Variants in GRID2 observed in about 807,000 individuals in gnomAD.
GRID2 encodes glutamate receptor ionotropic, delta-2.
A neutral mutation model predicts 114.8 loss-of-function variants in GRID2; 33 were observed. That is an observed-to-expected ratio of 0.29 (90% CI 0.22 to 0.38). The LOEUF (loss-of-function observed/expected upper bound fraction) is 0.38. Among genes scored for constraint, GRID2 ranks in the 10% least tolerant of loss-of-function variants. The pLI is 1.00. For synonymous variants in GRID2, 505 were observed against 449.9 expected (o/e 1.12, Z -1.55); for missense variants, 1,184 against 1,257.7 (o/e 0.94, Z 0.89).
intron 1 of GRID2, among the ~76,000 whole-genome samples, chr4:92,349,632 C>A (rs139431260): frequency 6.6e-6 from 1 of 150,766 alleles, no homozygotes; most frequent in Admixed American, 6.6e-5. Flanking sequence ...TACATTTTAG[C>A]GCATTATTTT....
At chr4:93,067,083 T>G (rs748941037) in intron 2 of GRID2, among the ~76,000 whole-genome samples, 1 of 151,952 alleles carries the variant, frequency 6.6e-6, no homozygotes, top group African/African-American at 2.4e-5. Context: ...CATGGTTGAC[T>G]CCAGGTAACT....
intron 1 of GRID2, among the ~76,000 whole-genome samples, chr4:92,384,320 G>A (rs1729764212): frequency 6.9e-6 from 1 of 145,186 alleles, no homozygotes; most frequent in South Asian, 2.1e-4. Context: ...TTTATGTGGG[G>A]CTTTATGTGG....
intron 2 of GRID2, among the ~76,000 whole-genome samples, chr4:92,932,670 C>G (rs1750336927): frequency 6.6e-6 from 1 of 150,912 alleles, no homozygotes; most frequent in Non-Finnish European, 1.5e-5. Context: ...TCAAGTGGCC[C>G]AAAATAGAAT....
At chr4:93,730,172 C>T (rs143874521) in intron 14 of GRID2, among the ~76,000 whole-genome samples, 181 of 152,220 alleles carry the variant, frequency 1.2e-3, no homozygotes, top group East Asian at 0.01. Context: ...ATTGAAGAGT[C>T]ATCAGGTTAC....
chr4:92,833,240 C>G (rs1373083501), intron 2 of GRID2, among the ~76,000 whole-genome samples: 2 of 152,150 alleles, frequency 1.3e-5, no homozygotes, highest in African/African-American at 4.8e-5. Flanking sequence ...ATAAAATCAT[C>G]TGACATGGAC....
At chr4:93,181,472 C>T (rs1334189366) in intron 4 of GRID2, among the ~76,000 whole-genome samples, 1 of 152,170 alleles carries the variant, frequency 6.6e-6, no homozygotes, top group Non-Finnish European at 1.5e-5. Context: ...TTAACCCTAA[C>T]AGGATGGTCA....
At chr4:92,599,375 G>C (rs998657804) in intron 2 of GRID2, among the ~76,000 whole-genome samples, 1 of 152,120 alleles carries the variant, frequency 6.6e-6, no homozygotes. Flanking sequence ...GTTGAATATA[G>C]AAATTAATTC....
At chr4:93,249,623 T>G (rs1169215853) in intron 8 of GRID2, among the ~76,000 whole-genome samples, 3 of 151,508 alleles carry the variant, frequency 2.0e-5, no homozygotes, top group African/African-American at 7.3e-5. Flanking sequence ...ATATCCAGAG[T>G]CAAAAAGGAA....
At chr4:92,895,633 T>A (rs1747110993) in intron 2 of GRID2, among the ~76,000 whole-genome samples, 1 of 151,702 alleles carries the variant, frequency 6.6e-6, no homozygotes, top group African/African-American at 2.4e-5. Context: ...TAAAATAGAG[T>A]GTAGTTTATA....
intron 2 of GRID2, among the ~76,000 whole-genome samples, chr4:93,030,307 T>C (rs1412040957): frequency 6.6e-6 from 1 of 152,092 alleles, no homozygotes; most frequent in Non-Finnish European, 1.5e-5. Context: ...CTTTTCTACC[T>C]ACCAAATTTT....
intron 8 of GRID2, among the ~76,000 whole-genome samples, chr4:93,276,652 T>A (rs994353460): frequency 6.6e-6 from 1 of 152,014 alleles, no homozygotes; most frequent in Admixed American, 6.6e-5. Flanking sequence ...TTAAATATAT[T>A]TCTATTTTGT....
At chr4:92,631,273 G>A (rs1256338922) in intron 2 of GRID2, among the ~76,000 whole-genome samples, 7 of 152,014 alleles carry the variant, frequency 4.6e-5, no homozygotes, top group Non-Finnish European at 8.8e-5. Flanking sequence ...TGAGATGATG[G>A]ATAGATAAGC....
chr4:92,577,799 A>G (rs1157528988), intron 1 of GRID2, among the ~76,000 whole-genome samples: 1 of 152,142 alleles, frequency 6.6e-6, no homozygotes, highest in Non-Finnish European at 1.5e-5. Flanking sequence ...GTGGAGAACA[A>G]TTAGCATTGT....
intron 1 of GRID2, among the ~76,000 whole-genome samples, chr4:92,455,472 G>C: frequency 6.6e-6 from 1 of 152,170 alleles, no homozygotes; most frequent in Non-Finnish European, 1.5e-5. Flanking sequence ...GATATAACGT[G>C]AACCTAGTGT....
intron 1 of GRID2, among the ~76,000 whole-genome samples, chr4:92,323,053 AC>A (rs1214262657): frequency 6.6e-6 from 1 of 152,076 alleles, no homozygotes; most frequent in African/African-American, 2.4e-5. Context: ...ATGAATTCAT[AC>A]CCAACCTCAA....
chr4:92,446,775 T>A (rs1733493434), intron 1 of GRID2, among the ~76,000 whole-genome samples: 1 of 152,238 alleles, frequency 6.6e-6, no homozygotes, highest in South Asian at 2.1e-4. Flanking sequence ...TTGCATAGAT[T>A]GGTGGACCAC....
At position 92,467,675 on chromosome 4, in the gene GRID2, T is replaced by C. The variant is rs182871209; in HGVS notation, c.89-122456T>C. Among the ~76,000 whole-genome samples the C allele has an allele frequency of 2.9e-3, 434 of 152,140 alleles. 1 individual carries two copies. Among genetic ancestry groups the C allele is most frequent in the African/African-American group, 6.5e-3 (269 of 41,558 alleles). Reference sequence around the variant, plus strand: ...ACCAAGTATGGAAAAGCATCTCTTCTCTTAATTTTCTTCCTCCAAATTAAG... The same window carrying C: ...ACCAAGTATGGAAAAGCATCTCTTCCCTTAATTTTCTTCCTCCAAATTAAG... On this transcript the variant is annotated intron_variant, in intron 1 of 15. Transcript: ENST00000282020.
At position 92,334,962 on chromosome 4, in the gene GRID2, C is replaced by T. The variant is rs141203156; in HGVS notation, c.88+30218C>T. Among the ~76,000 whole-genome samples the T allele has an allele frequency of 5.4e-3, 818 of 152,228 alleles. 3 individuals carry two copies. Among genetic ancestry groups the T allele is most frequent in the South Asian group, 0.021 (100 of 4,822 alleles). On this transcript the variant is annotated intron_variant, in intron 1 of 15. Coordinates refer to ENST00000282020, the MANE Select transcript of GRID2 (RefSeq NM_001510.4). ...CCCTCCCTCTAGAGTTTTCATTATA[C>T]GAGCCAATAATTTTCTGTTCAAAGT...
Position 93,382,176 on chromosome 4 carries a change from A to G in GRID2, c.1246-13431A>G, listed in dbSNP as rs935528156. Among the ~76,000 whole-genome samples the G allele has an allele frequency of 3.3e-5, 5 of 152,174 alleles. 1 individual carries two copies. Among genetic ancestry groups the G allele is most frequent in the South Asian group, 4.1e-4 (2 of 4,828 alleles). On this transcript the variant is annotated intron_variant, in intron 8 of 15. Coordinates refer to ENST00000282020, the MANE Select transcript of GRID2 (RefSeq NM_001510.4). ...TCACTTCTCTTTTGATGTTTTTGAT[A>G]TTCTCTTTTTTGTCTTCATCATTTC...
Sources: gnomAD v4.1 joint callset for allele counts (sites outside exome capture counted in the v4.1 genomes callset) on GRCh38, gnomAD v4.1.1 for gene constraint, MANE v1.5 for transcripts, NCBI Gene and HGNC (gene_info 2026-07-23, HGNC 2026-07-21) for gene names.